Variants in RFTN2 observed in about 807,000 individuals in gnomAD.
RFTN2 encodes raftlin family member 2.
A neutral mutation model predicts 52.7 loss-of-function variants in RFTN2; 34 were observed. The ratio of observed to expected loss-of-function variants is 0.64; its 90% CI spans 0.49 to 0.86. The LOEUF (loss-of-function observed/expected upper bound fraction) is 0.86. Ranked by LOEUF, RFTN2 falls within the 40% of genes least tolerant of loss-of-function variation. The pLI, the probability that RFTN2 is intolerant of heterozygous loss-of-function variation, is 0.00. For missense variants in RFTN2, 536 were observed against 600.1 expected, an observed-to-expected ratio of 0.89 and a Z score of 1.12; for synonymous variants, 203 against 217.7, an observed-to-expected ratio of 0.93 and a Z score of 0.59.
At chr2:197,668,626 A>T (rs1323161414) in intron 1 of RFTN2, among the ~76,000 whole-genome samples, 2 of 152,140 alleles carry the variant, frequency 1.3e-5, no homozygotes, top group African/African-American at 4.8e-5. Flanking sequence ...GCCTGCATGC[A>T]GTCGCTTGTG....
At chr2:197,619,765 T>TAA (rs1411593286) in intron 5 of RFTN2, among the ~76,000 whole-genome samples, 1 of 144,558 alleles carries the variant, frequency 6.9e-6, no homozygotes, top group African/African-American at 2.5e-5. Flanking sequence ...ATAATAACAA[T>TAA]AATAAAATAA....
At chr2:197,601,849 G>A (rs946949001) in intron 7 of RFTN2, among the ~76,000 whole-genome samples, 9 of 152,114 alleles carry the variant, frequency 5.9e-5, no homozygotes, top group Admixed American at 2.0e-4. Context: ...AGGTCCTGAT[G>A]TTAGTGTGGC....
chr2:197,626,247 G>A (rs1361817905), intron 5 of RFTN2, among the ~76,000 whole-genome samples: 1 of 152,046 alleles, frequency 6.6e-6, no homozygotes, highest in African/African-American at 2.4e-5. Context: ...AAATCTCTGT[G>A]CTTCAGTTCC....
At chr2:197,619,343 C>G (rs1013101648) in intron 5 of RFTN2, among the ~76,000 whole-genome samples, 4 of 152,066 alleles carry the variant, frequency 2.6e-5, no homozygotes, top group Non-Finnish European at 5.9e-5. Flanking sequence ...GGATGGTTGC[C>G]GTGTCTGTGT....
At chr2:197,577,074 T>A (rs1202026981) in intron 8 of RFTN2, among the ~76,000 whole-genome samples, 1 of 152,236 alleles carries the variant, frequency 6.6e-6, no homozygotes, top group Non-Finnish European at 1.5e-5. Context: ...CCTGCTCATT[T>A]GGAGTTGTCC....
chr2:197,656,524 G>A (rs1394902894), intron 1 of RFTN2, among the ~76,000 whole-genome samples: 1 of 152,142 alleles, frequency 6.6e-6, no homozygotes, highest in Non-Finnish European at 1.5e-5. Flanking sequence ...AAGTAAACAC[G>A]CAAATAGACA....
chr2:197,591,930 A>G (rs932251664), intron 8 of RFTN2, among the ~76,000 whole-genome samples: 3 of 151,048 alleles, frequency 2.0e-5, no homozygotes, highest in African/African-American at 7.3e-5. Flanking sequence ...CTCTCCCTCC[A>G]CGCCTCTCCC....
At chr2:197,576,293 AG>A (rs1271046894) in intron 8 of RFTN2, among the ~76,000 whole-genome samples, 2 of 152,166 alleles carry the variant, frequency 1.3e-5, no homozygotes. Flanking sequence ...GGTGTGAGGC[AG>A]TACCACTGTG....
chr2:197,572,223 T>A lies in RFTN2; in HGVS notation c.1291A>T (p.Ile431Phe), dbSNP rs769735860. The change falls in exon 9 of 9, where the codon ATC (isoleucine) becomes TTC (phenylalanine). Residue 431 changes from isoleucine to phenylalanine, a missense_variant. Coordinates refer to ENST00000295049, the MANE Select transcript of RFTN2 (RefSeq NM_144629.3). ...TGTGACGAGGTTGTGTCTAATCCGATGCTTCTACTAGTGGCTTTATTCTTG... is the reference window on the plus strand; with the variant it reads ...TGTGACGAGGTTGTGTCTAATCCGAAGCTTCTACTAGTGGCTTTATTCTTG... Reference protein sequence around the residue: ...EDKNKATSRSIGLDTTSSQPA... With the variant: ...EDKNKATSRSFGLDTTSSQPA... The A allele has an allele frequency of 1.2e-6, 2 of 1,614,286 alleles. No homozygotes were observed. The highest frequency in any genetic ancestry group is 3.3e-5 in the Admixed American group (2 of 60,036).
intron 5 of RFTN2, among the ~76,000 whole-genome samples, chr2:197,630,426 T>C (rs2088450849): frequency 6.6e-6 from 1 of 152,184 alleles, no homozygotes; most frequent in Admixed American, 6.5e-5. Flanking sequence ...TCATTTTTGA[T>C]AATATTTTAT....
In RFTN2 at chr2:197,648,694, T is replaced by C. The variant is rs116808056; in HGVS notation, c.140-2028A>G. Among the ~76,000 whole-genome samples, 726 of 152,394 alleles carry C rather than the reference T, an allele frequency of 4.8e-3. 9 individuals are homozygous for C. Among genetic ancestry groups the C allele is most frequent in the African/African-American group, 0.016 (678 of 41,600 alleles). ...TGTCTTAGTGTAATACAAAAGAATC[T>C]TCATAGTCTGGCCTCTGCCTCTTGA... On this transcript the variant is annotated intron_variant, in intron 1 of 8. Transcript: ENST00000295049.
chr2:197,659,073 T>C (rs1310423954), intron 1 of RFTN2, among the ~76,000 whole-genome samples: 1 of 152,206 alleles, frequency 6.6e-6, no homozygotes, highest in African/African-American at 2.4e-5. Flanking sequence ...TAAAGTCATA[T>C]ATTAAAGCTA....
chr2:197,587,703 C>A (rs1031483841), intron 8 of RFTN2, among the ~76,000 whole-genome samples: 10 of 152,192 alleles, frequency 6.6e-5, no homozygotes, highest in African/African-American at 2.4e-4. Flanking sequence ...GTTTGGTAGT[C>A]TCTTCACACA....
chr2:197,581,361 C>T lies in RFTN2; in HGVS notation c.1234-9081G>A, dbSNP rs553083882. On this transcript the variant is annotated intron_variant, in intron 8 of 8. Transcript: ENST00000295049. ...TATTCTGTTCTTGATCTTAAAGATG[C>T]TTTTTTCACTATTCCCCTGCACCCA... 2.0e-5 allele frequency among the ~76,000 whole-genome samples: 3 copies of T among 152,270 alleles called. No individual in the cohort carries two copies. In the East Asian group the frequency reaches 5.8e-4, roughly 29 times the overall value.
intron 8 of RFTN2, among the ~76,000 whole-genome samples, chr2:197,576,879 C>T (rs2087428572): frequency 6.6e-6 from 1 of 152,076 alleles, no homozygotes; most frequent in Non-Finnish European, 1.5e-5. Context: ...GGAAAATAAC[C>T]CTTGGGGCCC....
intron 1 of RFTN2, among the ~76,000 whole-genome samples, chr2:197,653,905 T>G (rs1228395090): frequency 6.6e-6 from 1 of 152,224 alleles, no homozygotes; most frequent in Admixed American, 6.6e-5. Context: ...CCTTAAAATT[T>G]TCTTCTAATT....
At chr2:197,574,330 A>G (rs2087376867) in intron 8 of RFTN2, among the ~76,000 whole-genome samples, 1 of 152,184 alleles carries the variant, frequency 6.6e-6, no homozygotes, top group Admixed American at 6.5e-5. Flanking sequence ...GTCAAAAGAG[A>G]TAATTTTAGA....
At chr2:197,619,521 T>C (rs2088220934) in intron 5 of RFTN2, among the ~76,000 whole-genome samples, 1 of 150,192 alleles carries the variant, frequency 6.7e-6, no homozygotes, top group South Asian at 2.1e-4. Context: ...AGATGTGCTT[T>C]GTTAAACAGA....
intron 1 of RFTN2, among the ~76,000 whole-genome samples, chr2:197,674,412 T>C (rs1171706078): frequency 6.8e-6 from 1 of 147,834 alleles, no homozygotes; most frequent in Non-Finnish European, 1.5e-5. Context: ...TAAGATAATA[T>C]TCAACATGAT....
Sources: allele counts gnomAD v4.1 joint callset (sites outside exome capture counted in the v4.1 genomes callset), GRCh38; gene constraint gnomAD v4.1.1; transcripts MANE v1.5; gene names NCBI Gene and HGNC (gene_info 2026-07-23, HGNC 2026-07-21).